CCR3: variants seen among roughly 807,000 people sequenced by gnomAD.
CCR3 encodes the protein C-C chemokine receptor type 3.
For synonymous variants in CCR3, 203 were observed against 179.2 expected, an observed-to-expected ratio of 1.13 and a Z score of -1.06; for missense variants, 419 against 437.5, an observed-to-expected ratio of 0.96 and a Z score of 0.38.
At chr3:46,222,509 A>G (rs930038638) in intron 2 of CCR3, among the ~76,000 whole-genome samples, 6 of 152,184 alleles carry the variant, frequency 3.9e-5, no homozygotes, top group African/African-American at 1.4e-4. Context: ...AAAAACCTCC[A>G]GAGTCCCTTA....
intron 2 of CCR3, among the ~76,000 whole-genome samples, chr3:46,235,839 G>A (rs149290127): frequency 9.2e-5 from 14 of 152,268 alleles, no homozygotes; most frequent in Non-Finnish European, 1.5e-4. Flanking sequence ...TTTGTGATAA[G>A]CACATGGCAT....
intron 2 of CCR3, among the ~76,000 whole-genome samples, chr3:46,231,825 C>A (rs995983845): frequency 6.6e-6 from 1 of 151,968 alleles, no homozygotes; most frequent in Non-Finnish European, 1.5e-5. Context: ...ATTCATCCAC[C>A]CCTCTTATCT....
chr3:46,258,370 C>T (rs1575509070), intron 1 of CCR3, among the ~76,000 whole-genome samples: 1 of 152,204 alleles, frequency 6.6e-6, no homozygotes, highest in East Asian at 1.9e-4. Flanking sequence ...AATCCTTCCC[C>T]AGAATTCAGC....
chr3:46,263,769 C>T (rs1395629462), intron 1 of CCR3: 4 of 152,460 alleles, frequency 2.6e-5, no homozygotes, highest in East Asian at 1.9e-4. Context: ...GTCCAAGGCA[C>T]GCAGCTGAGA....
At chr3:46,216,093 G>A (rs1043124909) in intron 2 of CCR3, among the ~76,000 whole-genome samples, 46 of 152,278 alleles carry the variant, frequency 3.0e-4, no homozygotes, top group African/African-American at 9.9e-4. Context: ...AATAGCTATC[G>A]GAATTTGAAG....
chr3:46,234,614 A>T (rs1353662930), intron 2 of CCR3, among the ~76,000 whole-genome samples: 1 of 148,292 alleles, frequency 6.7e-6, no homozygotes, highest in Admixed American at 6.9e-5. Context: ...CCCTAACTGG[A>T]GCACCCCACA....
chr3:46,242,963 G>GTATATATATATATATATACACATA (rs71095086), intron 1 of CCR3, among the ~76,000 whole-genome samples: 14 of 86,282 alleles, frequency 1.6e-4, no homozygotes, highest in Non-Finnish European at 2.0e-4. Context: ...ATATATATGT[G>GTATATATATATATATATACACATA]TATATATATA....
Position 46,266,546 on chromosome 3 carries a change from T to A in CCR3, c.*320T>A, listed in dbSNP as rs939294080. The stretch of plus-strand genomic sequence containing the variant: ...ATATGCCGCTACAAAAAGGTAAAAC[T>A]TTTTATATTTTATACATTAACTTCA... On this transcript the variant is annotated 3_prime_UTR_variant, in exon 2 of 2. Transcript: ENST00000395940. The A allele has an allele frequency of 3.3e-5, 8 of 243,310 alleles. No homozygotes were observed. Among genetic ancestry groups the A allele is most frequent in the African/African-American group, 1.8e-4 (8 of 44,262 alleles). 15.1% of individuals were successfully genotyped at this position (243,310 alleles called of 1,614,324 possible). A position where few individuals can be genotyped will look rare whatever the true frequency, so the allele number is the denominator to read the frequency against.
At chr3:46,228,257 C>A (rs1575489515) in intron 2 of CCR3, among the ~76,000 whole-genome samples, 1 of 151,850 alleles carries the variant, frequency 6.6e-6, no homozygotes, top group South Asian at 2.1e-4. Context: ...GTACGCACAC[C>A]CCCTCCCACT....
chr3:46,265,074 T>A, intron 1 of CCR3, 74 bp from the exon 2 acceptor site: 2 of 961,358 alleles, frequency 2.1e-6, no homozygotes, highest in South Asian at 3.2e-5. Flanking sequence ...AGTACATGAA[T>A]AAATCAACTG....
At chr3:46,219,104 A>G (rs1699806527) in intron 2 of CCR3, among the ~76,000 whole-genome samples, 1 of 152,178 alleles carries the variant, frequency 6.6e-6, no homozygotes, top group African/African-American at 2.4e-5. Context: ...AAAAGCTCCT[A>G]GATCTGATAA....
At chr3:46,263,569 AT>A (rs1700565294) in intron 1 of CCR3, 1 of 152,692 alleles carries the variant, frequency 6.5e-6, no homozygotes, top group African/African-American at 2.4e-5. Flanking sequence ...AAGGGACCCT[AT>A]TTTTCCTAAT....
intron 2 of CCR3, among the ~76,000 whole-genome samples, chr3:46,230,649 G>A (rs887383894): frequency 6.6e-6 from 1 of 152,042 alleles, no homozygotes; most frequent in Non-Finnish European, 1.5e-5. Flanking sequence ...ACAAGACAGG[G>A]TACCTAAAGC....
intron 2 of CCR3, among the ~76,000 whole-genome samples, chr3:46,222,495 G>A (rs983913449): frequency 1.3e-5 from 2 of 152,152 alleles, no homozygotes; most frequent in Non-Finnish European, 2.9e-5. Flanking sequence ...AGAGAACTCA[G>A]GAGAAAAACC....
intron 2 of CCR3, among the ~76,000 whole-genome samples, chr3:46,215,135 C>T (rs1444127480): frequency 6.6e-6 from 1 of 152,144 alleles, no homozygotes; most frequent in Non-Finnish European, 1.5e-5. Context: ...ACCTAAGCTC[C>T]AGACAGTCAC....
At chr3:46,253,351 AG>A (rs1453299688) in intron 1 of CCR3, among the ~76,000 whole-genome samples, 1 of 152,120 alleles carries the variant, frequency 6.6e-6, no homozygotes, top group Non-Finnish European at 1.5e-5. Flanking sequence ...GAGGCTTTGC[AG>A]GGAGTCACAC....
chr3:46,232,521 G>T (rs1341964770), intron 2 of CCR3, among the ~76,000 whole-genome samples: 1 of 152,204 alleles, frequency 6.6e-6, no homozygotes, highest in Non-Finnish European at 1.5e-5. Flanking sequence ...CTAGGGATTG[G>T]GCCTGCCTCA....
intron 1 of CCR3, among the ~76,000 whole-genome samples, chr3:46,252,331 A>G (rs910414276): frequency 6.6e-6 from 1 of 150,842 alleles, no homozygotes; most frequent in Non-Finnish European, 1.5e-5. Context: ...GTGCACCACT[A>G]CTGCCCAGCT....
upstream of CCR3, among the ~76,000 whole-genome samples, chr3:46,239,000 T>C (rs1303956544): frequency 6.6e-6 from 1 of 152,190 alleles, no homozygotes; most frequent in African/African-American, 2.4e-5. Context: ...GAAAATGTCC[T>C]GTATTTGATT....
Sources: allele counts gnomAD v4.1 joint callset (sites outside exome capture counted in the v4.1 genomes callset), GRCh38; gene constraint gnomAD v4.1.1; transcripts MANE v1.5; gene names NCBI Gene and HGNC (gene_info 2026-07-23, HGNC 2026-07-21).